Variants in CAST observed in about 807,000 individuals in gnomAD.
CAST encodes calpastatin, also known as MIR583 host.
CAST carries 76 observed loss-of-function variants against 119.6 expected under a neutral mutation model. The ratio of observed to expected loss-of-function variants is 0.64; its 90% confidence interval spans 0.53 to 0.77. CAST has a LOEUF of 0.77. Among genes scored for constraint, CAST ranks in the 30% least tolerant of loss-of-function variants. CAST has a pLI of 0.00. For synonymous variants in CAST, 319 were observed against 331.6 expected (o/e 0.96, Z 0.41); for missense variants, 953 against 946.5 (o/e 1.01, Z -0.09).
At chr5:96,750,503 G>A (rs1348507943) in intron 19 of CAST, 84 bp from the exon 20 acceptor site, 18 of 779,210 alleles carry the variant, frequency 2.3e-5, no homozygotes, top group African/African-American at 5.1e-5. Flanking sequence ...ATAATGTAGC[G>A]GAGTGTCTTG....
the CAST span, among the ~76,000 whole-genome samples, chr5:96,224,720 C>A: frequency 6.6e-6 from 1 of 152,144 alleles, no homozygotes; most frequent in African/African-American, 2.4e-5. Context: ...TTGTTTTAAG[C>A]CACCAATTTA....
At chr5:96,567,058 C>T (rs970395946) in intron 1 of CAST, among the ~76,000 whole-genome samples, 16 of 152,192 alleles carry the variant, frequency 1.1e-4, no homozygotes, top group Non-Finnish European at 1.9e-4. Flanking sequence ...GGAGTTTCTG[C>T]ATTTGAGTGT....
chr5:96,325,895 A>G, the CAST span, among the ~76,000 whole-genome samples: 1 of 152,228 alleles, frequency 6.6e-6, no homozygotes, highest in Admixed American at 6.5e-5. Flanking sequence ...TTGGCTGGGT[A>G]TACAAAGACC....
At chr5:96,049,920 A>AAAAAAAAAAAAAG in the CAST span, among the ~76,000 whole-genome samples, 1 of 149,252 alleles carries the variant, frequency 6.7e-6, no homozygotes, top group Non-Finnish European at 1.5e-5. Flanking sequence ...AAAAAAAAGA[A>AAAAAAAAAAAAAG]AAAGAAAAAA....
chr5:95,971,308 T>C, the CAST span, among the ~76,000 whole-genome samples: 8,313 of 152,234 alleles, frequency 0.055, 678 homozygotes, highest in East Asian at 0.43. Flanking sequence ...CTTGCACAGA[T>C]TAATTAAATG....
the CAST span, among the ~76,000 whole-genome samples, chr5:96,154,522 A>G: frequency 6.6e-6 from 1 of 152,190 alleles, no homozygotes; most frequent in Non-Finnish European, 1.5e-5. Flanking sequence ...ATGAATCCAT[A>G]CTGATCCATT....
chr5:96,681,130 T>C (rs1751370241), intron 2 of CAST, among the ~76,000 whole-genome samples: 1 of 152,258 alleles, frequency 6.6e-6, no homozygotes, highest in South Asian at 2.1e-4. Context: ...TCATTTATTG[T>C]TTCATTGACC....
the CAST span, among the ~76,000 whole-genome samples, chr5:96,061,611 G>A: frequency 1.3e-5 from 2 of 151,878 alleles, no homozygotes; most frequent in East Asian, 3.9e-4. Flanking sequence ...TATCCTCCCA[G>A]TATGTAGAGT....
At chr5:96,612,073 C>A (rs1747373325) in intron 1 of CAST, among the ~76,000 whole-genome samples, 2 of 152,094 alleles carry the variant, frequency 1.3e-5, no homozygotes, top group African/African-American at 4.8e-5. Flanking sequence ...ACAATTTGAC[C>A]CAGGAATCCC....
chr5:96,662,327 CCCT>C, upstream of CAST: 1 of 414,878 alleles, frequency 2.4e-6, no homozygotes, highest in Non-Finnish European at 3.8e-6. Context: ...TCCGCTCCCT[CCCT>C]CCCTCCCTCT....
At chr5:96,319,480 T>A in the CAST span, among the ~76,000 whole-genome samples, 45 of 152,316 alleles carry the variant, frequency 3.0e-4, 1 homozygote, top group Admixed American at 2.9e-3. Flanking sequence ...GGCAATCTGC[T>A]CCATAATCTA....
the CAST span, among the ~76,000 whole-genome samples, chr5:96,191,443 GAT>G: frequency 6.6e-6 from 1 of 152,306 alleles, no homozygotes; most frequent in East Asian, 1.9e-4. Flanking sequence ...TGAGTAAAAA[GAT>G]AAGAGACTTG....
Position 96,743,661 on chromosome 5 carries a change from G to A in CAST, c.1200+905G>A, listed in dbSNP as rs140027189. The A allele has an allele frequency of 2.7e-5, 43 of 1,613,186 alleles. 1 individual carries two copies. Among genetic ancestry groups the A allele is most frequent in the Middle Eastern group, 1.6e-4 (1 of 6,080 alleles). ...TTTCTATCTTCGACTTTCTTGGAGG[G>A]CTCACCGGCCACAGTGTGGCACGAT... On this transcript the variant is annotated intron_variant, in intron 16 of 31. Coordinates refer to ENST00000675179, the MANE Select transcript of CAST (RefSeq NM_001750.7).
chr5:96,272,990 G>A, the CAST span, among the ~76,000 whole-genome samples: 5 of 152,280 alleles, frequency 3.3e-5, no homozygotes, highest in East Asian at 9.6e-4. Context: ...GGAAAATAAT[G>A]CATTGCTTTT....
rs985988268 is a variant in CAST, at chr5:96,754,653, C to G, written c.1627-5C>G. ...TAACAATGAAAATGGTATAATTTTT[C>G]TCAGGAGAAGGCCAAAGAAGAAGAC... On this transcript the variant is annotated splice_polypyrimidine_tract_variant and splice_region_variant and intron_variant, in intron 21 of 31. Coordinates refer to ENST00000675179, the MANE Select transcript of CAST (RefSeq NM_001750.7). 1.3e-6 allele frequency: 2 copies of G among 1,564,044 alleles called. No individual in the cohort carries two copies. The highest frequency in any genetic ancestry group is 4.5e-5 in the East Asian group (2 of 44,644).
the CAST span, among the ~76,000 whole-genome samples, chr5:96,014,929 C>A: frequency 6.6e-6 from 1 of 152,110 alleles, no homozygotes; most frequent in Non-Finnish European, 1.5e-5. Flanking sequence ...GTTAAATGAT[C>A]TTTTCAGAGC....
At chr5:96,109,827 T>G in the CAST span, among the ~76,000 whole-genome samples, 1 of 152,164 alleles carries the variant, frequency 6.6e-6, no homozygotes, top group African/African-American at 2.4e-5. Context: ...ATACCACATC[T>G]TAATTCTTTA....
chr5:96,379,405 C>T, the CAST span, among the ~76,000 whole-genome samples: 3 of 152,068 alleles, frequency 2.0e-5, no homozygotes, highest in Non-Finnish European at 2.9e-5. Flanking sequence ...ATTGGGAAAA[C>T]GTTTCCCAGG....
Position 96,772,634 on chromosome 5 carries a change from T to C in CAST, c.*24-6T>C, listed in dbSNP as rs926499626. 2.5e-4 allele frequency: 38 copies of C among 152,764 alleles called. No individual in the cohort carries two copies. Among genetic ancestry groups the C allele is most frequent in the African/African-American group, 9.2e-4 (38 of 41,462 alleles). The allele number at this position is 152,764 out of a possible 1,614,324, so 9.5% of individuals were successfully genotyped here. A position where few individuals can be genotyped will look rare whatever the true frequency, so the allele number is the denominator to read the frequency against. On this transcript the variant is annotated splice_region_variant and splice_polypyrimidine_tract_variant and intron_variant, in intron 31 of 31. Transcript: ENST00000675179. ...TTCACTGCATTTTTTATTTGAAATT[T>C]TTAAGGTATCTGCATGTAAAATCTT...
Sources: allele counts gnomAD v4.1 joint callset (sites outside exome capture counted in the v4.1 genomes callset), GRCh38; gene constraint gnomAD v4.1.1; transcripts MANE v1.5; gene names NCBI Gene and HGNC (gene_info 2026-07-23, HGNC 2026-07-21).